STARD8: variants seen among roughly 807,000 people sequenced by gnomAD.
The protein encoded by STARD8 is stAR-related lipid transfer protein 8.
A neutral mutation model predicts 69.4 loss-of-function variants in STARD8; 25 were observed. The ratio of observed to expected loss-of-function variants is 0.36; its 90% confidence interval spans 0.26 to 0.50. The LOEUF (loss-of-function observed/expected upper bound fraction) is 0.50, where lower values mean the gene tolerates loss of function less well. Ranked by LOEUF, STARD8 falls within the 20% of genes least tolerant of loss-of-function variation. STARD8 has a pLI of 0.96. For synonymous variants in STARD8, 389 were observed against 374.6 expected, an observed-to-expected ratio of 1.04 and a Z score of -0.45; for missense variants, 921 against 932.5, an observed-to-expected ratio of 0.99 and a Z score of 0.16.
chrX:68,671,392 C>T (rs986287527), intron 2 of STARD8, among the ~76,000 whole-genome samples: 1 of 112,550 alleles, frequency 8.9e-6, no homozygotes, highest in African/African-American at 3.2e-5. Context: ...TCTGCATTGG[C>T]CTCTTTTCTT....
chrX:68,658,991 G>C (rs758001797), intron 1 of STARD8, among the ~76,000 whole-genome samples: 5 of 112,262 alleles, frequency 4.5e-5, no homozygotes, highest in Non-Finnish European at 9.4e-5. Flanking sequence ...TCTACCTTGG[G>C]TTGGTTGCCT....
intron 2 of STARD8, among the ~76,000 whole-genome samples, chrX:68,677,833 C>T (rs1436578687): frequency 3.5e-5 from 3 of 85,730 alleles, no homozygotes; most frequent in Non-Finnish European, 6.7e-5. Flanking sequence ...TCCCCATGCC[C>T]CCCACCCACC....
intron 1 of STARD8, among the ~76,000 whole-genome samples, chrX:68,662,416 C>G (rs2079657337): frequency 1.8e-5 from 2 of 111,157 alleles, no homozygotes; most frequent in African/African-American, 6.6e-5. Flanking sequence ...TGTTTAGGCC[C>G]CCTCAATGGC....
At chrX:68,660,119 G>T (rs754239972) in intron 1 of STARD8, among the ~76,000 whole-genome samples, 1 of 110,887 alleles carries the variant, frequency 9.0e-6, no homozygotes, top group East Asian at 2.9e-4. Flanking sequence ...TGCACCCTTG[G>T]GGGGAGACAG....
At chrX:68,653,191 C>T (rs1218015208) in intron 1 of STARD8, among the ~76,000 whole-genome samples, 2 of 51,754 alleles carry the variant, frequency 3.9e-5, no homozygotes, top group African/African-American at 7.7e-5. Context: ...ACAGCACACA[C>T]ACATCACACA....
chrX:68,694,949 A>G (rs1018409324), intron 2 of STARD8, among the ~76,000 whole-genome samples: 17 of 110,785 alleles, frequency 1.5e-4, no homozygotes, highest in Non-Finnish European at 1.9e-5. Context: ...CTTACCCCCA[A>G]GTCCCAGGGC....
intron 1 of STARD8, among the ~76,000 whole-genome samples, chrX:68,660,951 C>A (rs763374682): frequency 8.9e-6 from 1 of 111,824 alleles, no homozygotes; most frequent in Non-Finnish European, 1.9e-5. Flanking sequence ...CTGTGTGGCC[C>A]GGCTGAGAAG....
At chrX:68,662,303 T>G (rs2079656568) in intron 1 of STARD8, among the ~76,000 whole-genome samples, 1 of 110,842 alleles carries the variant, frequency 9.0e-6, no homozygotes, top group African/African-American at 3.3e-5. Context: ...GGGCCTCTGG[T>G]CTCCCCTTCT....
At position 68,718,127 on chromosome X, in the gene STARD8, T is replaced by G. The variant is rs1181328249; in HGVS notation, c.1213T>G (p.Trp405Gly). Residue 405 changes from tryptophan to glycine, a missense_variant, in exon 6 of 15, where the codon TGG becomes GGG. By Grantham distance (184) the Trp-to-Gly change is radical (BLOSUM62 -2). Coordinates refer to ENST00000374599, the MANE Select transcript of STARD8 (RefSeq NM_001142503.3). ...VWGLQQRVEL[W>G]SRAMYPDLGP... The stretch of plus-strand genomic sequence containing the variant: ...GGGGCTACAGCAACGAGTAGAGCTG[T>G]GGTCTCGGGCCATGTACCCAGACCT... The G allele has an allele frequency of 6.6e-6, 8 of 1,209,841 alleles. No individual in the cohort carries two copies. Among genetic ancestry groups the G allele is most frequent in the Non-Finnish European group, 8.9e-6 (8 of 895,099 alleles).
chrX:68,672,636 G>A (rs954857717), intron 2 of STARD8, among the ~76,000 whole-genome samples: 1 of 111,055 alleles, frequency 9.0e-6, no homozygotes, highest in Non-Finnish European at 1.9e-5. Flanking sequence ...AAGCAGAGCC[G>A]TTCCCTCACC....
chrX:68,704,184 T>C (rs924179728), intron 2 of STARD8, among the ~76,000 whole-genome samples: 48 of 111,687 alleles, frequency 4.3e-4, no homozygotes, highest in African/African-American at 1.5e-3. Context: ...GAGATGATCA[T>C]GGAAATGTGT....
At position 68,718,453 on chromosome X, in the gene STARD8, G is replaced by A; in HGVS notation, c.1539G>A (p.Leu513=). Residue 513 remains leucine (L), a synonymous_variant, in exon 6 of 15, where the codon CTG becomes CTA. Transcript: ENST00000374599. ...SGGEPTFASS[L]SVEEGHSISD... is the part of the protein sequence containing the mutation. ...GGGAACCCACCTTTGCCTCTAGCCT[G>A]TCTGTGGAAGAAGGACACTCCATTT... 4.1e-6 allele frequency: 5 copies of A among 1,211,920 alleles called. No individual in the cohort carries two copies. The highest frequency in any genetic ancestry group is 2.3e-4 in the Middle Eastern group (1 of 4,351).
intron 2 of STARD8, among the ~76,000 whole-genome samples, chrX:68,668,352 C>T (rs768361640): frequency 4.1e-5 from 4 of 97,136 alleles, no homozygotes; most frequent in South Asian, 5.1e-4. Flanking sequence ...CTATGAGACA[C>T]GGTCTCTGTC....
At chrX:68,695,506 T>C in intron 2 of STARD8, among the ~76,000 whole-genome samples, 1 of 111,576 alleles carries the variant, frequency 9.0e-6, no homozygotes, top group Non-Finnish European at 1.9e-5. Flanking sequence ...TAAACCTCTC[T>C]GTGCATCTAC....
Position 68,721,548 on chromosome X carries a change from A to T in STARD8, c.2261A>T (p.Asp754Val), listed in dbSNP as rs1385586723. ...FLQIYQLLPK[D>V]QWLAAAQAAT... is the part of the protein sequence containing the mutation. ...TGCTTCCTCACAGTCCTCCCCAAGG[A>T]TCAGTGGTTGGCAGCAGCACAAGCC... The change falls in exon 10 of 15, where the codon GAT becomes GTT. Residue 754 changes from aspartate to valine, a missense_variant. By Grantham distance (152) the Asp-to-Val change is radical (BLOSUM62 -3). Coordinates refer to ENST00000374599, the MANE Select transcript of STARD8 (RefSeq NM_001142503.3). 3.3e-6 allele frequency: 4 copies of T among 1,211,612 alleles called. No individual in the cohort carries two copies. Among genetic ancestry groups the T allele is most frequent in the South Asian group, 3.5e-5 (2 of 56,937 alleles).
At chrX:68,685,543 T>G (rs1188301773) in intron 2 of STARD8, among the ~76,000 whole-genome samples, 1 of 112,647 alleles carries the variant, frequency 8.9e-6, no homozygotes, top group South Asian at 3.7e-4. Flanking sequence ...CCAGGCTTTT[T>G]TTGTGGTACA....
chrX:68,679,730 T>TGTTG lies in STARD8; in HGVS notation c.79+14199_79+14202dup, dbSNP rs995325651. On this transcript the variant is annotated intron_variant, in intron 2 of 14. Transcript: ENST00000374599. ...TCTCATTGCACAGGGTTTGGGGTTC[T>TGTTG]GTTGTGACAAGGGATGTAGCCTCCT... Among the ~76,000 whole-genome samples the TGTTG allele has an allele frequency of 1.2e-3, 136 of 112,256 alleles. 1 individual carries two copies. The highest frequency in any genetic ancestry group is 4.2e-3 in the African/African-American group (131 of 30,854).
intron 2 of STARD8, among the ~76,000 whole-genome samples, chrX:68,676,388 A>G (rs1266887964): frequency 8.9e-6 from 1 of 112,449 alleles, no homozygotes; most frequent in Non-Finnish European, 1.9e-5. Context: ...AAAATGAGGA[A>G]AGGAAAGAAA....
At chrX:68,667,229 G>A (rs759234200) in intron 2 of STARD8, among the ~76,000 whole-genome samples, 1 of 112,395 alleles carries the variant, frequency 8.9e-6, no homozygotes, top group African/African-American at 3.2e-5. Context: ...TTATGTGGAT[G>A]TGGAAATGGT....
Sources: gnomAD v4.1 joint callset for allele counts (sites outside exome capture counted in the v4.1 genomes callset) on GRCh38, gnomAD v4.1.1 for gene constraint, MANE v1.5 for transcripts, NCBI Gene and HGNC (gene_info 2026-07-23, HGNC 2026-07-21) for gene names.